MAU2: variants seen among roughly 807,000 people sequenced by gnomAD.
MAU2 encodes MAU2 sister chromatid cohesion factor, also known as MAU2 chromatid cohesion factor homolog.
A neutral mutation model predicts 89.1 loss-of-function variants in MAU2; 9 were observed. That is an observed-to-expected ratio of 0.10 (90% CI 0.06 to 0.18). MAU2 has a LOEUF of 0.18. Ranked by LOEUF, MAU2 falls within the 10% of genes least tolerant of loss-of-function variation. The probability of loss-of-function intolerance (pLI) is 1.00; values close to 1 mark genes in which losing one functional copy is unlikely to be tolerated. For synonymous variants in MAU2, 357 were observed against 343.4 expected (o/e 1.04, Z -0.44); for missense variants, 425 against 803.5 (o/e 0.53, Z 5.69).
chr19:19,347,518 C>A, intron 13 of MAU2, 152 bp downstream of exon 13: 1 of 624,526 alleles, frequency 1.6e-6, no homozygotes, highest in South Asian at 2.0e-5. Context: ...ACACACAAGG[C>A]GACCCAGAGG....
chr19:19,341,216 G>T (rs1287548611), intron 6 of MAU2, 36 bp from the exon 7 acceptor site: 2 of 1,598,674 alleles, frequency 1.3e-6, no homozygotes, highest in South Asian at 2.2e-5. Context: ...GCCCCTGCAA[G>T]CCCTGTACCC....
intron 1 of MAU2, among the ~76,000 whole-genome samples, chr19:19,333,967 G>A (rs1347217923): frequency 6.6e-6 from 1 of 152,176 alleles, no homozygotes; most frequent in African/African-American, 2.4e-5. Context: ...TCAGGGTTCA[G>A]GGAGACCTCA....
intron 1 of MAU2, among the ~76,000 whole-genome samples, chr19:19,334,829 C>A (rs1196519432): frequency 6.6e-6 from 1 of 152,226 alleles, no homozygotes; most frequent in Non-Finnish European, 1.5e-5. Flanking sequence ...ATACTTGCCA[C>A]ACATGCTGCC....
intron 4 of MAU2, among the ~76,000 whole-genome samples, chr19:19,337,958 C>A (rs1454950276): frequency 6.6e-6 from 1 of 152,220 alleles, no homozygotes; most frequent in Non-Finnish European, 1.5e-5. Context: ...GTCCTGGGCT[C>A]CACCCATACT....
At chr19:19,330,733 T>A (rs2061548969) in intron 1 of MAU2, among the ~76,000 whole-genome samples, 1 of 151,518 alleles carries the variant, frequency 6.6e-6, no homozygotes, top group African/African-American at 2.4e-5. Flanking sequence ...AGAGCGAAAA[T>A]TCATCTCAAA....
At chr19:19,341,512 C>T in intron 7 of MAU2, 105 bp downstream of exon 7, 4 of 1,364,098 alleles carry the variant, frequency 2.9e-6, no homozygotes, top group Non-Finnish European at 4.0e-6. Context: ...CATCGCCTTA[C>T]CTTGCCACAC....
At chr19:19,346,994 A>G (rs935978242) in intron 12 of MAU2, 1 of 381,622 alleles carries the variant, frequency 2.6e-6, no homozygotes, top group Non-Finnish European at 4.8e-6. Flanking sequence ...CCTGAGAGAC[A>G]GTGGAAAATG....
At chr19:19,350,607 CA>C (rs35857527) in intron 16 of MAU2, among the ~76,000 whole-genome samples, 44 of 130,322 alleles carry the variant, frequency 3.4e-4, no homozygotes, top group East Asian at 6.8e-4. Flanking sequence ...GACTCCATCT[CA>C]AAAAAAAAAA....
chr19:19,330,340 A>T (rs2061545887), intron 1 of MAU2, among the ~76,000 whole-genome samples: 1 of 151,450 alleles, frequency 6.6e-6, no homozygotes, highest in Non-Finnish European at 1.5e-5. Context: ...CACGCCTGTA[A>T]TCCCGGCACT....
rs2048205343 is a variant in MAU2 at position 19,358,745 on chromosome 19, A to C, written c.*2963A>C. 1 of 152,244 alleles carries C rather than the reference A, an allele frequency of 6.6e-6. No individual in the cohort carries two copies. The highest frequency in any genetic ancestry group is 1.5e-5 in the Non-Finnish European group (1 of 68,046). The allele number at this position is 152,244 out of a possible 1,614,324, so 9.4% of individuals were successfully genotyped here. ...CTATATATTCAAAGTAAAATGACTT[A>C]CAGGAGCCACGTGCTGTGTCTTTGT... On this transcript the variant is annotated 3_prime_UTR_variant, in exon 19 of 19. Coordinates refer to ENST00000262815, the MANE Select transcript of MAU2 (RefSeq NM_015329.4).
chr19:19,321,144 G>A lies in MAU2; in HGVS notation c.276+9G>A, dbSNP rs748270286. ...GCCACCTGGAGAAGGCGGTGAGCGCGGGCCGGGCCGCGAGGGAGGAGTCGC... is the reference window on the plus strand; with the variant it reads ...GCCACCTGGAGAAGGCGGTGAGCGCAGGCCGGGCCGCGAGGGAGGAGTCGC... On this transcript the variant is annotated intron_variant, in intron 1 of 18. Transcript: ENST00000262815. The A allele has an allele frequency of 1.9e-6, 3 of 1,582,228 alleles. No individual in the cohort carries two copies. Among genetic ancestry groups the A allele is most frequent in the East Asian group, 2.4e-5 (1 of 42,138 alleles).
intron 18 of MAU2, 94 bp from the exon 19 acceptor site, chr19:19,355,614 C>A: frequency 7.8e-7 from 1 of 1,275,008 alleles, no homozygotes; most frequent in Non-Finnish European, 1.1e-6. Flanking sequence ...AGAGTCCCGG[C>A]TGTGTGAGCA....
chr19:19,336,506 G>T (rs1159626579), intron 3 of MAU2, among the ~76,000 whole-genome samples: 2 of 152,106 alleles, frequency 1.3e-5, no homozygotes, highest in African/African-American at 4.8e-5. Context: ...GCCCAGGCTG[G>T]CCTCAAGCAA....
intron 1 of MAU2, among the ~76,000 whole-genome samples, chr19:19,330,671 C>T (rs1183777402): frequency 6.6e-6 from 1 of 152,154 alleles, no homozygotes; most frequent in Admixed American, 6.6e-5. Flanking sequence ...ACCCGGGAGC[C>T]GGAGGGTGCC....
At chr19:19,326,702 G>GTA (rs560689514) in intron 1 of MAU2, among the ~76,000 whole-genome samples, 5,346 of 49,216 alleles carry the variant, frequency 0.11, 527 homozygotes, top group Admixed American at 0.16. Flanking sequence ...ATATATATAT[G>GTA]TATATATATA....
At chr19:19,329,956 A>ATTAT (rs139674702) in intron 1 of MAU2, among the ~76,000 whole-genome samples, 1,607 of 151,124 alleles carry the variant, frequency 0.011, 11 homozygotes, top group African/African-American at 0.012. Flanking sequence ...TGTCTTTTTA[A>ATTAT]TTATTTATTT....
intron 4 of MAU2, 105 bp downstream of exon 4, chr19:19,337,370 C>T: frequency 1.1e-6 from 1 of 876,226 alleles, no homozygotes. Flanking sequence ...GCGCAGACCC[C>T]CTCGGGCTGG....
chr19:19,328,509 T>C (rs1016002326), intron 1 of MAU2, among the ~76,000 whole-genome samples: 1 of 151,362 alleles, frequency 6.6e-6, no homozygotes, highest in Non-Finnish European at 1.5e-5. Context: ...GCAAGCTCCG[T>C]CTCCCGGGTT....
intron 16 of MAU2, chr19:19,354,139 C>G (rs975907045): frequency 1.7e-6 from 1 of 591,726 alleles, no homozygotes; most frequent in Middle Eastern, 4.4e-4. Flanking sequence ...GGGCATGAGC[C>G]AGAAGTGAGG....
Sources: allele counts gnomAD v4.1 joint callset (sites outside exome capture counted in the v4.1 genomes callset), GRCh38; gene constraint gnomAD v4.1.1; transcripts MANE v1.5; gene names NCBI Gene and HGNC (gene_info 2026-07-23, HGNC 2026-07-21).